SLC28A1: variants seen among roughly 807,000 people sequenced by gnomAD.
SLC28A1 encodes sodium/nucleoside cotransporter 1.
A neutral mutation model predicts 74.8 loss-of-function variants in SLC28A1; 64 were observed. That is an observed-to-expected ratio of 0.86 (90% CI 0.70 to 1.05). SLC28A1 has a LOEUF of 1.05. Among genes scored for constraint, SLC28A1 ranks in the 50% least tolerant of loss-of-function variants. The probability of loss-of-function intolerance (pLI) is 0.00; values close to 1 mark genes in which losing one functional copy is unlikely to be tolerated. For synonymous variants in SLC28A1, 359 were observed against 335.0 expected, an observed-to-expected ratio of 1.07 and a Z score of -0.78; for missense variants, 828 against 822.8, an observed-to-expected ratio of 1.01 and a Z score of -0.08.
the SLC28A1 span, among the ~76,000 whole-genome samples, chr15:84,964,152 C>G: frequency 6.6e-6 from 1 of 152,116 alleles, no homozygotes; most frequent in Non-Finnish European, 1.5e-5. Flanking sequence ...TCATCTATCT[C>G]ATACATGTCA....
the SLC28A1 span, among the ~76,000 whole-genome samples, chr15:84,956,483 CTTTCTTTG>C: frequency 0.03 from 4,176 of 139,876 alleles, 344 homozygotes; most frequent in East Asian, 0.17. Flanking sequence ...TTCTTTCTTT[CTTTCTTTG>C]TTTCTCTTTC....
At chr15:84,896,786 A>G (rs1319414236) in intron 6 of SLC28A1, among the ~76,000 whole-genome samples, 1 of 152,262 alleles carries the variant, frequency 6.6e-6, no homozygotes, top group African/African-American at 2.4e-5. Flanking sequence ...AATATTATTC[A>G]GTCATGAAAA....
rs187864509 is a variant in SLC28A1, at chr15:84,893,974, G to A, written c.278-966G>A. ...TCCTTGTTATTGCCTGTACCAGAGG[G>A]GTTGGGTAGAACTTACCTTTATTCG... On this transcript the variant is annotated intron_variant, in intron 5 of 18. Coordinates refer to ENST00000394573, the MANE Select transcript of SLC28A1 (RefSeq NM_004213.5). 5.9e-5 allele frequency among the ~76,000 whole-genome samples: 9 copies of A among 152,314 alleles called. No individual in the cohort carries two copies. The East Asian group carries it at 1.5e-3, about 26-fold the overall frequency.
rs372998124 is a variant in SLC28A1, at chr15:84,925,546, A to G, written c.1083+1436A>G. Among the ~76,000 whole-genome samples, 549 of 152,188 alleles carry G rather than the reference A, an allele frequency of 3.6e-3. 6 individuals are homozygous for G. The highest frequency in any genetic ancestry group is 0.013 in the African/African-American group (528 of 41,520). On this transcript the variant is annotated intron_variant, in intron 12 of 18. Transcript: ENST00000394573. The stretch of plus-strand genomic sequence containing the variant: ...AACTGGGAGGCGGAGGTTGCAGTGA[A>G]CTGAGATCGCACCACTGCACAGTAG...
chr15:84,893,986 C>A (rs1411814596), intron 5 of SLC28A1, among the ~76,000 whole-genome samples: 2 of 152,224 alleles, frequency 1.3e-5, no homozygotes, highest in African/African-American at 2.4e-5. Flanking sequence ...TTGGGTAGAA[C>A]TTACCTTTAT....
chr15:84,924,549 C>T (rs879826022), intron 12 of SLC28A1, among the ~76,000 whole-genome samples: 2 of 152,136 alleles, frequency 1.3e-5, no homozygotes, highest in Non-Finnish European at 2.9e-5. Context: ...GGGCTCAAGT[C>T]CTGCCTCTGC....
chr15:84,945,330 A>G lies in SLC28A1; in HGVS notation c.*130A>G, dbSNP rs560724648. Reference sequence around the variant, plus strand: ...GACTTAGACCCAGCTCAATCCCACAATTGGGAAGGGTTCATGGAGTGAGTG... The same window carrying G: ...GACTTAGACCCAGCTCAATCCCACAGTTGGGAAGGGTTCATGGAGTGAGTG... On this transcript the variant is annotated 3_prime_UTR_variant, in exon 19 of 19. Coordinates refer to ENST00000394573, the MANE Select transcript of SLC28A1 (RefSeq NM_004213.5). The G allele has an allele frequency of 8.7e-6, 7 of 807,636 alleles. No homozygotes were observed. Among genetic ancestry groups the G allele is most frequent in the African/African-American group, 3.4e-5 (2 of 58,974 alleles). The allele number at this position is 807,636 out of a possible 1,614,324, so 50.0% of individuals were successfully genotyped here.
intron 8 of SLC28A1, among the ~76,000 whole-genome samples, chr15:84,907,704 A>G (rs1967447367): frequency 6.6e-6 from 1 of 152,122 alleles, no homozygotes; most frequent in South Asian, 2.1e-4. Flanking sequence ...AAAAAATATA[A>G]ATCATCAAGG....
intron 12 of SLC28A1, among the ~76,000 whole-genome samples, chr15:84,925,067 GTTTTTTTTTTTTTT>G (rs964017770): frequency 2.4e-5 from 2 of 84,166 alleles, no homozygotes; most frequent in African/African-American, 4.5e-5. Context: ...CGCCCAGCTA[GTTTTTTTTTTTTTT>G]TTTTTTTTTT....
At chr15:84,933,799 A>AC (rs1567179005) in intron 13 of SLC28A1, among the ~76,000 whole-genome samples, 1 of 152,122 alleles carries the variant, frequency 6.6e-6, no homozygotes, top group Admixed American at 6.5e-5. Flanking sequence ...ACATGGTGAA[A>AC]CCCCATCTCT....
At chr15:84,887,891 T>A in intron 3 of SLC28A1, 35 bp downstream of exon 3, 2 of 1,503,398 alleles carry the variant, frequency 1.3e-6, no homozygotes, top group Non-Finnish European at 1.9e-6. Flanking sequence ...TCCTGACCCC[T>A]CAGCCTCTTT....
chr15:84,909,891 G>A (rs1967878020), intron 9 of SLC28A1, among the ~76,000 whole-genome samples: 1 of 152,212 alleles, frequency 6.6e-6, no homozygotes, highest in South Asian at 2.1e-4. Flanking sequence ...TCATTATGCT[G>A]GCCACTGTTC....
At chr15:84,965,371 A>G in the SLC28A1 span, among the ~76,000 whole-genome samples, 1 of 152,210 alleles carries the variant, frequency 6.6e-6, no homozygotes, top group African/African-American at 2.4e-5. Flanking sequence ...GTATTTCTTC[A>G]TAGCAGTATG....
At chr15:84,909,502 C>A (rs1344595912) in intron 9 of SLC28A1, among the ~76,000 whole-genome samples, 3 of 152,200 alleles carry the variant, frequency 2.0e-5, no homozygotes, top group African/African-American at 7.2e-5. Flanking sequence ...AACAGGTCAG[C>A]CTGTGCGGAG....
chr15:84,925,921 G>A (rs1284441767), intron 12 of SLC28A1, among the ~76,000 whole-genome samples: 1 of 151,766 alleles, frequency 6.6e-6, no homozygotes, highest in Non-Finnish European at 1.5e-5. Context: ...CCCTTTACGT[G>A]CCCCCAAATG....
rs186242646 is a variant in SLC28A1, at chr15:84,910,376, A to G, written c.795+1581A>G. Among the ~76,000 whole-genome samples, 357 of 152,304 alleles carry G rather than the reference A, an allele frequency of 2.3e-3. 6 individuals are homozygous for G. The highest frequency in any genetic ancestry group is 0.014 in the Admixed American group (208 of 15,294). ...AGAAAAGACAAGTAAGGTCTGCTTC[A>G]GGGTGACCTCTGGCGTCCACCCAGG... On this transcript the variant is annotated intron_variant, in intron 9 of 18. Transcript: ENST00000394573.
At chr15:84,914,964 A>C (rs1330161005) in intron 9 of SLC28A1, among the ~76,000 whole-genome samples, 1 of 152,162 alleles carries the variant, frequency 6.6e-6, no homozygotes, top group Non-Finnish European at 1.5e-5. Flanking sequence ...GATTGCTGGC[A>C]GGAGAAAGTC....
At chr15:84,971,909 A>G in the SLC28A1 span, among the ~76,000 whole-genome samples, 1 of 152,168 alleles carries the variant, frequency 6.6e-6, no homozygotes, top group Non-Finnish European at 1.5e-5. Flanking sequence ...AGCTTCCCAA[A>G]GTGCTGGGAT....
the SLC28A1 span, among the ~76,000 whole-genome samples, chr15:84,963,510 G>A: frequency 5.3e-5 from 8 of 152,288 alleles, no homozygotes; most frequent in East Asian, 9.6e-4. Flanking sequence ...GACACGTGGC[G>A]GAGGGTGGGA....
Sources: gnomAD v4.1 joint callset for allele counts (sites outside exome capture counted in the v4.1 genomes callset) on GRCh38, gnomAD v4.1.1 for gene constraint, MANE v1.5 for transcripts, NCBI Gene and HGNC (gene_info 2026-07-23, HGNC 2026-07-21) for gene names.